B3GNT7: variants seen among roughly 807,000 people sequenced by gnomAD.
B3GNT7 encodes the protein BGnT-7.
Under a neutral mutation model 5.1 loss-of-function variants are expected in B3GNT7, and 9 were observed. The ratio of observed to expected loss-of-function variants is 1.77; its 90% CI spans 1.07 to 3.09. The LOEUF (loss-of-function observed/expected upper bound fraction) is 3.09. B3GNT7 is among the 30% of genes most tolerant of loss of function. B3GNT7 has a pLI of 0.00. For synonymous variants in B3GNT7, 253 were observed against 248.6 expected (o/e 1.02, Z -0.17); for missense variants, 468 against 550.8 (o/e 0.85, Z 1.50).
At position 231,395,836 on chromosome 2, in the gene B3GNT7, C is replaced by T. The variant is rs2046508053; in HGVS notation, c.11+22C>T. On this transcript the variant is annotated intron_variant, in intron 1 of 1. Coordinates refer to ENST00000287590, the MANE Select transcript of B3GNT7 (RefSeq NM_145236.3). The surrounding 1 kb of genome is among the most constrained non-coding windows in gnomAD (Gnocchi z 7.3). ...TGTGGTGAGTGGGGCTGGGGGCCGT[C>T]GGGGGCCTGGGCGGGGGCGTGGGCC... 9 of 1,147,212 alleles carry T rather than the reference C, an allele frequency of 7.8e-6. No individual in the cohort carries two copies. The highest frequency in any genetic ancestry group is 9.7e-6 in the Non-Finnish European group (9 of 930,884). The allele number at this position is 1,147,212 out of a possible 1,614,324, so 71.1% of individuals were successfully genotyped here.
At position 231,398,964 on chromosome 2, in the gene B3GNT7, C is replaced by T; in HGVS notation, c.*39C>T. The stretch of plus-strand genomic sequence containing the variant: ...ACTAGGACAGGCCAGGGCACTTGCT[C>T]CTGAGCCCCCATGGTATTGGGGCTG... On this transcript the variant is annotated 3_prime_UTR_variant, in exon 2 of 2. Transcript: ENST00000287590. 1.3e-6 allele frequency: 2 copies of T among 1,502,468 alleles called. No homozygotes were observed. Among genetic ancestry groups the T allele is most frequent in the South Asian group, 1.2e-5 (1 of 81,576 alleles). The allele number at this position is 1,502,468 out of a possible 1,614,324, so 93.1% of individuals were successfully genotyped here. A position where few individuals can be genotyped will look rare whatever the true frequency, so the allele number is the denominator to read the frequency against.
In B3GNT7 at chr2:231,398,933, C is replaced by T. The variant is rs372674294; in HGVS notation, c.*8C>T. ...AAGCTCCAGGTGCTCTGACCCCAGCCGGGCTACTAGGACAGGCCAGGGCAC... is the reference window on the plus strand; with the variant it reads ...AAGCTCCAGGTGCTCTGACCCCAGCTGGGCTACTAGGACAGGCCAGGGCAC... On this transcript the variant is annotated 3_prime_UTR_variant, in exon 2 of 2. Transcript: ENST00000287590. The T allele has an allele frequency of 1.7e-5, 27 of 1,557,602 alleles. No individual in the cohort carries two copies. In the African/African-American group the frequency reaches 2.0e-4, roughly 12 times the overall value.
chr2:231,398,740 C>T lies in B3GNT7; in HGVS notation c.1021C>T (p.Pro341Ser). The change falls in exon 2 of 2, where the codon CCC (proline) becomes TCC (serine). Residue 341 changes from proline (P) to serine (S), a missense_variant. Pro to Ser is a moderately conservative substitution (Grantham distance 74). Coordinates refer to ENST00000287590, the MANE Select transcript of B3GNT7 (RefSeq NM_145236.3). ...GTGCCTGGAGGTGCTGGGCGTGCAG[C>T]CCACGGCCCACGAGGGCTTCAAGAC... Reference protein sequence around the residue: ...GMCLEVLGVQPTAHEGFKTFG... With the variant: ...GMCLEVLGVQSTAHEGFKTFG... 6.2e-7 allele frequency: 1 copy of T among 1,610,550 alleles called. No homozygotes were observed. The highest frequency in any genetic ancestry group is 8.5e-7 in the Non-Finnish European group (1 of 1,179,826).
chr2:231,399,138 G>A lies in B3GNT7; in HGVS notation c.*213G>A. 6.9e-6 allele frequency: 4 copies of A among 582,352 alleles called. No homozygotes were observed. In the South Asian group the frequency reaches 8.6e-5, roughly 13 times the overall value. 36.1% of individuals were successfully genotyped at this position (582,352 alleles called of 1,614,324 possible). On this transcript the variant is annotated 3_prime_UTR_variant, in exon 2 of 2. Transcript: ENST00000287590. ...AGGAAACTGAGGCCCAGGAACGGTT[G>A]GAGCTGCCCAGTCTGGAGGCCCTCT... is the stretch of plus-strand genomic sequence containing the variant.
chr2:231,398,873 G>C lies in B3GNT7; in HGVS notation c.1154G>C (p.Trp385Ser). 1.9e-6 allele frequency: 3 copies of C among 1,596,806 alleles called. No individual in the cohort carries two copies. The highest frequency in any genetic ancestry group is 1.3e-5 in the African/African-American group (1 of 74,998). The change falls in exon 2 of 2, where the codon TGG becomes TCG. Residue 385 changes from tryptophan (W) to serine (S), a missense_variant. By Grantham distance (177) the Trp-to-Ser change is radical. Coordinates refer to ENST00000287590, the MANE Select transcript of B3GNT7 (RefSeq NM_145236.3). Reference protein sequence around the residue: ...KLLPPELLAMWGLVHSNLTCS... With the variant: ...KLLPPELLAMSGLVHSNLTCS... ...CTGCCCCCTGAGCTGCTCGCCATGT[G>C]GGGGCTGGTGCACAGCAATCTCACC...
chr2:231,398,887 A>G lies in B3GNT7; in HGVS notation c.1168A>G (p.Ser390Gly). The change falls in exon 2 of 2, where the codon AGC becomes GGC. Residue 390 changes from serine to glycine, a missense_variant. Physicochemically the swap from Ser to Gly is moderately conservative, Grantham distance 56 (BLOSUM62 0). Coordinates refer to ENST00000287590, the MANE Select transcript of B3GNT7 (RefSeq NM_145236.3). ...ELLAMWGLVH[S>G]NLTCSRKLQV... ...GCTCGCCATGTGGGGGCTGGTGCACAGCAATCTCACCTGCTCCCGCAAGCT... is the reference window on the plus strand; with the variant it reads ...GCTCGCCATGTGGGGGCTGGTGCACGGCAATCTCACCTGCTCCCGCAAGCT... 4 of 1,594,224 alleles carry G rather than the reference A, an allele frequency of 2.5e-6. No homozygotes were observed. The highest frequency in any genetic ancestry group is 3.4e-6 in the Non-Finnish European group (4 of 1,177,806).
rs1312707253 is a variant in B3GNT7 at position 231,395,891 on chromosome 2, C to T, written c.11+77C>T. ...GCTCCCCCTCCTCCGTGGCCACAGACGGGCGCCGGGACTCCCGGGATAGGA... is the reference window on the plus strand; with the variant it reads ...GCTCCCCCTCCTCCGTGGCCACAGATGGGCGCCGGGACTCCCGGGATAGGA... On this transcript the variant is annotated intron_variant, in intron 1 of 1. Transcript: ENST00000287590. The surrounding 1 kb of genome is among the most constrained non-coding windows in gnomAD (Gnocchi z 7.3). The T allele has an allele frequency of 3.9e-6, 4 of 1,020,808 alleles. No individual in the cohort carries two copies. Among genetic ancestry groups the T allele is most frequent in the African/African-American group, 3.4e-5 (2 of 58,188 alleles). The allele number at this position is 1,020,808 out of a possible 1,614,324, so 63.2% of individuals were successfully genotyped here.
chr2:231,399,067 TG>T lies in B3GNT7; in HGVS notation c.*146del. The T allele has an allele frequency of 1.4e-6, 1 of 724,558 alleles. No individual in the cohort carries two copies. Among genetic ancestry groups the T allele is most frequent in the Non-Finnish European group, 2.2e-6 (1 of 450,952 alleles). 44.9% of individuals were successfully genotyped at this position (724,558 alleles called of 1,614,324 possible). A position where few individuals can be genotyped will look rare whatever the true frequency, so the allele number is the denominator to read the frequency against. On this transcript the variant is annotated 3_prime_UTR_variant, in exon 2 of 2. Transcript: ENST00000287590. ...GAGGCCTACGTGCCACTGGGTGTGGTGGGGTGCAGGTAGCCAGAAAGGGACC... is the reference window on the plus strand; with the variant it reads ...GAGGCCTACGTGCCACTGGGTGTGGTGGGTGCAGGTAGCCAGAAAGGGACC...
chr2:231,395,889 G>A lies in B3GNT7; in HGVS notation c.11+75G>A, dbSNP rs1357532111. 2.9e-6 allele frequency: 3 copies of A among 1,043,120 alleles called. No homozygotes were observed. Among genetic ancestry groups the A allele is most frequent in the Non-Finnish European group, 3.6e-6 (3 of 838,926 alleles). The allele number at this position is 1,043,120 out of a possible 1,614,324, so 64.6% of individuals were successfully genotyped here. ...GGGCTCCCCCTCCTCCGTGGCCACA[G>A]ACGGGCGCCGGGACTCCCGGGATAG... On this transcript the variant is annotated intron_variant, in intron 1 of 1. Coordinates refer to ENST00000287590, the MANE Select transcript of B3GNT7 (RefSeq NM_145236.3). The surrounding 1 kb of genome is among the most constrained non-coding windows in gnomAD (Gnocchi z 7.3).
chr2:231,398,473 G>T lies in B3GNT7; in HGVS notation c.754G>T (p.Glu252Ter). 6.2e-7 allele frequency: 1 copy of T among 1,613,758 alleles called. No individual in the cohort carries two copies. The highest frequency in any genetic ancestry group is 2.2e-5 in the East Asian group (1 of 44,888). ...CTTCGTCAACCCCACCAACCTGCTA[G>T]AATTTCTGGCTGACCGGCAGCCACA... is the stretch of plus-strand genomic sequence containing the variant. ...DVFVNPTNLL[E>*]FLADRQPQEN... is the part of the protein sequence containing the mutation. Residue 252 changes from glutamate (E) to a stop codon, truncating the protein, a stop_gained, in exon 2 of 2, where the codon GAA (glutamate) becomes TAA (stop). Coordinates refer to ENST00000287590, the MANE Select transcript of B3GNT7 (RefSeq NM_145236.3). LOFTEE classifies it low-confidence loss of function (END_TRUNC).
chr2:231,395,717 C>T lies in B3GNT7; in HGVS notation c.-87C>T. 4.4e-6 allele frequency: 5 copies of T among 1,131,184 alleles called. No individual in the cohort carries two copies. The highest frequency in any genetic ancestry group is 5.4e-6 in the Non-Finnish European group (5 of 922,556). 70.1% of individuals were successfully genotyped at this position (1,131,184 alleles called of 1,614,324 possible). On this transcript the variant is annotated 5_prime_UTR_variant, in exon 1 of 2. Coordinates refer to ENST00000287590, the MANE Select transcript of B3GNT7 (RefSeq NM_145236.3). The surrounding 1 kb of genome is among the most constrained non-coding windows in gnomAD (Gnocchi z 7.3). ...GCGGGGGCGCGGCCCGGTCTCCGTC[C>T]CCACCCGCCCGCCGTCCCGCCGGCC...
chr2:231,396,566 G>C (rs1019391209), intron 1 of B3GNT7, among the ~76,000 whole-genome samples: 5 of 152,208 alleles, frequency 3.3e-5, no homozygotes, highest in African/African-American at 1.2e-4. Flanking sequence ...CTGGGGCCTG[G>C]ACCTGCAACC....
Position 231,398,532 on chromosome 2 carries a change from C to T in B3GNT7, c.813C>T (p.His271=), listed in dbSNP as rs370288480. Residue 271 remains histidine, a synonymous_variant, in exon 2 of 2, where the codon CAC becomes CAT. Coordinates refer to ENST00000287590, the MANE Select transcript of B3GNT7 (RefSeq NM_145236.3). ...TGTTCGTGGGCGATGTCCTGCAGCA[C>T]GCTCGGCCCATTCGCAGGAAAGACA... ...ENLFVGDVLQ[H]ARPIRRKDNK... The T allele has an allele frequency of 3.3e-5, 54 of 1,613,494 alleles. 1 individual carries two copies. Among genetic ancestry groups the T allele is most frequent in the Non-Finnish European group, 3.8e-5 (45 of 1,179,836 alleles).
chr2:231,395,749 G>A lies in B3GNT7; in HGVS notation c.-55G>A. On this transcript the variant is annotated 5_prime_UTR_variant, in exon 1 of 2. It adds an upstream start codon to the 5' untranslated region. Coordinates refer to ENST00000287590, the MANE Select transcript of B3GNT7 (RefSeq NM_145236.3). The surrounding 1 kb of genome is among the most constrained non-coding windows in gnomAD (Gnocchi z 7.3). ...GCCCGCCGTCCCGCCGGCCCGAGCC[G>A]TGGCGCCCAGAGCTGCGAGCCGCTC... 8.6e-7 allele frequency: 1 copy of A among 1,161,020 alleles called. No individual in the cohort carries two copies. Among genetic ancestry groups the A allele is most frequent in the Non-Finnish European group, 1.1e-6 (1 of 942,800 alleles). The allele number at this position is 1,161,020 out of a possible 1,614,324, so 71.9% of individuals were successfully genotyped here.
intron 1 of B3GNT7, chr2:231,397,206 G>C (rs1359040562): frequency 1.0e-6 from 1 of 985,594 alleles, no homozygotes; most frequent in Non-Finnish European, 1.2e-6. Context: ...GCGGCACAGA[G>C]GATCAGAGGG....
intron 1 of B3GNT7, among the ~76,000 whole-genome samples, chr2:231,397,500 G>A (rs922071367): frequency 3.9e-5 from 6 of 152,128 alleles, no homozygotes; most frequent in South Asian, 2.1e-4. Context: ...GCTTGTAAGC[G>A]TCAGGGCCTG....
chr2:231,395,750 T>C lies in B3GNT7; in HGVS notation c.-54T>C, dbSNP rs1421160215. 1 of 1,158,152 alleles carries C rather than the reference T, an allele frequency of 8.6e-7. No homozygotes were observed. Among genetic ancestry groups the C allele is most frequent in the South Asian group, 3.9e-5 (1 of 25,600 alleles). The allele number at this position is 1,158,152 out of a possible 1,614,324, so 71.7% of individuals were successfully genotyped here. A position where few individuals can be genotyped will look rare whatever the true frequency, so the allele number is the denominator to read the frequency against. On this transcript the variant is annotated 5_prime_UTR_variant, in exon 1 of 2. Transcript: ENST00000287590. This position sits in a 1 kb window ranked among gnomAD's most constrained non-coding sequence, Gnocchi z 7.3. ...CCCGCCGTCCCGCCGGCCCGAGCCG[T>C]GGCGCCCAGAGCTGCGAGCCGCTCG... is the stretch of plus-strand genomic sequence containing the variant.
chr2:231,398,467 C>CTT lies in B3GNT7; in HGVS notation c.749_750insTT (p.Leu251CysfsTer2). 1 of 1,613,750 alleles carries CTT rather than the reference C, an allele frequency of 6.2e-7. No individual in the cohort carries two copies. The highest frequency in any genetic ancestry group is 8.5e-7 in the Non-Finnish European group (1 of 1,179,888). Reference sequence around the variant, plus strand: ...TGACGTCTTCGTCAACCCCACCAACCTGCTAGAATTTCTGGCTGACCGGCA... The same window carrying CTT: ...TGACGTCTTCGTCAACCCCACCAACCTTTGCTAGAATTTCTGGCTGACCGGCA... On this transcript the variant is annotated frameshift_variant, in exon 2 of 2. Coordinates refer to ENST00000287590, the MANE Select transcript of B3GNT7 (RefSeq NM_145236.3). LOFTEE classifies it low-confidence loss of function (END_TRUNC).
chr2:231,397,457 C>T (rs1369537573), intron 1 of B3GNT7, among the ~76,000 whole-genome samples: 1 of 152,146 alleles, frequency 6.6e-6, no homozygotes, highest in African/African-American at 2.4e-5. Flanking sequence ...AAGAAGAAAT[C>T]GTGGCTCAGA....
Sources: allele counts gnomAD v4.1 joint callset (sites outside exome capture counted in the v4.1 genomes callset), GRCh38; gene constraint gnomAD v4.1.1; non-coding constraint Gnocchi (gnomAD v3.1); transcripts MANE v1.5; gene names NCBI Gene and HGNC (gene_info 2026-07-23, HGNC 2026-07-21).